PTPN13: variants seen among roughly 807,000 people sequenced by gnomAD.
The protein encoded by PTPN13 is tyrosine-protein phosphatase non-receptor type 13.
A neutral mutation model predicts 284.0 loss-of-function variants in PTPN13; 191 were observed. That is an observed-to-expected ratio of 0.67 (90% CI 0.60 to 0.76). The LOEUF is 0.76. Ranked by LOEUF, PTPN13 falls within the 30% of genes least tolerant of loss-of-function variation. The probability of loss-of-function intolerance (pLI) is 0.00; values close to 1 mark genes in which losing one functional copy is unlikely to be tolerated. For missense variants in PTPN13, 2,797 were observed against 2,939.9 expected (o/e 0.95, Z 1.12); for synonymous variants, 986 against 1,022.3 (o/e 0.96, Z 0.68).
intron 1 of PTPN13, among the ~76,000 whole-genome samples, chr4:86,631,341 C>T (rs1408415789): frequency 2.0e-5 from 3 of 151,792 alleles, no homozygotes; most frequent in Non-Finnish European, 4.4e-5. Flanking sequence ...TTGTTATCTT[C>T]GGAGCTAATG....
chr4:86,659,304 A>G (rs528715869), intron 2 of PTPN13, among the ~76,000 whole-genome samples: 9 of 152,186 alleles, frequency 5.9e-5, no homozygotes, highest in Admixed American at 5.9e-4. Context: ...GTACTAAGTC[A>G]TCAAAATCTA....
intron 42 of PTPN13, among the ~76,000 whole-genome samples, chr4:86,803,064 CTGTGTGTGTG>C (rs143647187): frequency 1.9e-4 from 26 of 136,088 alleles, no homozygotes; most frequent in Admixed American, 3.8e-4. Context: ...CAGAATAAGA[CTGTGTGTGTG>C]TGTGTGTGTG....
At chr4:86,603,432 T>A (rs1764483002) in intron 1 of PTPN13, among the ~76,000 whole-genome samples, 1 of 152,184 alleles carries the variant, frequency 6.6e-6, no homozygotes, top group Non-Finnish European at 1.5e-5. Flanking sequence ...CTAAGTACTG[T>A]GTAATATAAC....
intron 1 of PTPN13, among the ~76,000 whole-genome samples, chr4:86,623,034 A>G (rs545971772): frequency 6.6e-6 from 1 of 152,254 alleles, no homozygotes; most frequent in South Asian, 2.1e-4. Context: ...CCTTCCTTCA[A>G]GATATTTCCA....
intron 2 of PTPN13, among the ~76,000 whole-genome samples, chr4:86,640,112 A>G (rs1361513053): frequency 6.6e-6 from 1 of 152,126 alleles, no homozygotes; most frequent in African/African-American, 2.4e-5. Flanking sequence ...GTTGTTTTTT[A>G]ATTCAGAGAC....
intron 45 of PTPN13, among the ~76,000 whole-genome samples, chr4:86,808,643 T>G (rs1046989769): frequency 3.9e-5 from 6 of 152,242 alleles, no homozygotes; most frequent in African/African-American, 1.4e-4. Context: ...TCATGATTTT[T>G]TATTGATTTA....
chr4:86,626,983 C>G (rs1721911227), intron 1 of PTPN13, among the ~76,000 whole-genome samples: 1 of 151,958 alleles, frequency 6.6e-6, no homozygotes, highest in Non-Finnish European at 1.5e-5. Context: ...TGAATGGATA[C>G]AGAAAATGTG....
chr4:86,748,184 G>A (rs545971223), intron 17 of PTPN13, among the ~76,000 whole-genome samples: 3 of 152,304 alleles, frequency 2.0e-5, no homozygotes, highest in East Asian at 1.9e-4. Flanking sequence ...GGAGATATAA[G>A]GAAGCACAAA....
At chr4:86,642,493 C>T (rs1442998066) in intron 2 of PTPN13, among the ~76,000 whole-genome samples, 2 of 115,126 alleles carry the variant, frequency 1.7e-5, no homozygotes, top group Non-Finnish European at 3.3e-5. Context: ...CACTCTGTCA[C>T]TCAGGCTGGA....
chr4:86,792,365 G>A (rs1004008051), intron 40 of PTPN13, among the ~76,000 whole-genome samples: 4 of 152,214 alleles, frequency 2.6e-5, no homozygotes, highest in Non-Finnish European at 5.9e-5. Context: ...TGTGTGAAAA[G>A]ACCAAATCTA....
intron 1 of PTPN13, among the ~76,000 whole-genome samples, chr4:86,609,557 T>TA (rs1236997884): frequency 6.6e-6 from 1 of 152,218 alleles, no homozygotes; most frequent in African/African-American, 2.4e-5. Context: ...CGTAGTATGC[T>TA]AAAAGCTCTT....
chr4:86,812,107 G>A (rs1484113062), intron 47 of PTPN13, among the ~76,000 whole-genome samples: 1 of 151,710 alleles, frequency 6.6e-6, no homozygotes, highest in Non-Finnish European at 1.5e-5. Context: ...TCAGGAGATC[G>A]AGACCATCCC....
At position 86,778,944 on chromosome 4, in the gene PTPN13, T is replaced by C. The variant is rs536714938; in HGVS notation, c.5892-1458T>C. On this transcript the variant is annotated intron_variant, in intron 35 of 47. Coordinates refer to ENST00000411767, the MANE Select transcript of PTPN13 (RefSeq NM_080683.3). ...AAAAATGAGTTGGAAAAAAAAAAGA[T>C]ATCAACTGCCAGCCTGGAGAAGGTG... Among the ~76,000 whole-genome samples, 148 of 151,252 alleles carry C rather than the reference T, an allele frequency of 9.8e-4. 1 individual carries two copies. Among genetic ancestry groups the C allele is most frequent in the African/African-American group, 3.4e-3 (139 of 41,244 alleles).
intron 1 of PTPN13, among the ~76,000 whole-genome samples, chr4:86,615,580 A>G (rs1175209681): frequency 6.6e-6 from 1 of 152,144 alleles, no homozygotes; most frequent in Non-Finnish European, 1.5e-5. Flanking sequence ...CTTGGAAAAC[A>G]TGTTAGAGGT....
rs550791062 is a variant in PTPN13, at chr4:86,630,085, G to T, written c.-5-5167G>T. ...CTGGCCATAGTTCTTAAGCTTTTAA[G>T]GTCAATTTAATTATTTTTTCTATTT... On this transcript the variant is annotated intron_variant, in intron 1 of 47. Coordinates refer to ENST00000411767, the MANE Select transcript of PTPN13 (RefSeq NM_080683.3). Among the ~76,000 whole-genome samples, 16 of 152,098 alleles carry T rather than the reference G, an allele frequency of 1.1e-4. No individual in the cohort carries two copies. In the South Asian group the frequency reaches 3.3e-3, roughly 32 times the overall value.
intron 17 of PTPN13, among the ~76,000 whole-genome samples, chr4:86,748,979 G>A (rs1737094274): frequency 6.6e-6 from 1 of 152,118 alleles, no homozygotes; most frequent in African/African-American, 2.4e-5. Context: ...TTTAACAAAG[G>A]TGTATTTTTA....
intron 17 of PTPN13, among the ~76,000 whole-genome samples, chr4:86,746,051 ACTAC>A (rs1736728957): frequency 6.6e-6 from 1 of 152,172 alleles, no homozygotes; most frequent in Non-Finnish European, 1.5e-5. Flanking sequence ...TGGCAGATTT[ACTAC>A]CTATTAGTTT....
chr4:86,769,838 A>G lies in PTPN13; in HGVS notation c.4559A>G (p.Asn1520Ser), dbSNP rs724159901. 6.2e-7 allele frequency: 1 copy of G among 1,613,810 alleles called. No homozygotes were observed. Among genetic ancestry groups the G allele is most frequent in the African/African-American group, 1.3e-5 (1 of 75,056 alleles). ...GGATTCAGTTTTTCTCGAGAAGATA[A>G]TCTTATACCGGAGCAAATTAATGCC... ...GLGFSFSRED[N>S]LIPEQINASI... is the part of the protein sequence containing the mutation. The change falls in exon 29 of 48, where the codon AAT becomes AGT. Residue 1520 changes from asparagine (N) to serine (S), a missense_variant. Physicochemically the swap from Asn to Ser is conservative, Grantham distance 46. Transcript: ENST00000411767.
At chr4:86,665,637 AAATT>A (rs1361541681) in intron 2 of PTPN13, among the ~76,000 whole-genome samples, 20 of 152,344 alleles carry the variant, frequency 1.3e-4, no homozygotes, top group East Asian at 5.8e-4. Context: ...ATTCCCCAAG[AAATT>A]AATTAAAGAA....
Sources: allele counts gnomAD v4.1 joint callset (sites outside exome capture counted in the v4.1 genomes callset), GRCh38; gene constraint gnomAD v4.1.1; transcripts MANE v1.5; gene names NCBI Gene and HGNC (gene_info 2026-07-23, HGNC 2026-07-21).